SP140: variants seen among roughly 807,000 people sequenced by gnomAD.
The protein encoded by SP140 is nuclear body protein SP140.
A neutral mutation model predicts 125.0 loss-of-function variants in SP140; 81 were observed. That is an observed-to-expected ratio of 0.65 (90% CI 0.54 to 0.78). The LOEUF (loss-of-function observed/expected upper bound fraction) is 0.78, where lower values mean the gene tolerates loss of function less well. SP140 is among the 30% of genes least tolerant of loss of function. The probability of loss-of-function intolerance (pLI) is 0.00; values close to 1 mark genes in which losing one functional copy is unlikely to be tolerated. For synonymous variants in SP140, 312 were observed against 354.0 expected (o/e 0.88, Z 1.33); for missense variants, 858 against 1,037.0 (o/e 0.83, Z 2.37).
rs200651686 is a variant in SP140 at position 230,213,016 on chromosome 2, A to G, written c.-322-638A>G. 9.3e-5 allele frequency: 150 copies of G among 1,614,014 alleles called. 1 individual carries two copies. The African/African-American group carries it at 1.5e-3, about 16-fold the overall frequency. On this transcript the variant is annotated intron_variant, in intron 1 of 4. Coordinates refer to the SP140 transcript ENST00000456542. ...GGTGTGTCTCTGCTCTGCCATTCAT[A>G]GGAAGCACCAACTGGGATTGGTGAA... is the stretch of plus-strand genomic sequence containing the variant.
intron 12 of SP140, among the ~76,000 whole-genome samples, chr2:230,262,028 G>A (rs780401868): frequency 5.3e-5 from 8 of 152,114 alleles, no homozygotes; most frequent in Non-Finnish European, 7.4e-5. Flanking sequence ...AAAAGGATTG[G>A]TACCAATTCT....
chr2:230,242,165 A>G (rs2048817133), intron 4 of SP140, among the ~76,000 whole-genome samples: 1 of 152,202 alleles, frequency 6.6e-6, no homozygotes, highest in Non-Finnish European at 1.5e-5. Flanking sequence ...AGAGAAGTAT[A>G]TGGAAAAGGA....
chr2:230,259,311 A>C (rs934388153), intron 12 of SP140, among the ~76,000 whole-genome samples: 1 of 152,022 alleles, frequency 6.6e-6, no homozygotes, highest in African/African-American at 2.4e-5. Context: ...TTGCGTCCTC[A>C]TAGCTTAGCT....
chr2:230,289,119 T>C (rs572843824), intron 18 of SP140, among the ~76,000 whole-genome samples: 8 of 152,358 alleles, frequency 5.3e-5, no homozygotes, highest in African/African-American at 1.7e-4. Flanking sequence ...CCACATCCTC[T>C]TCAGCATCTG....
intron 15 of SP140, among the ~76,000 whole-genome samples, chr2:230,274,577 A>G (rs908964390): frequency 8.2e-4 from 124 of 152,138 alleles, no homozygotes; most frequent in African/African-American, 2.8e-3. Flanking sequence ...TGTTAGGTGC[A>G]TGTCAGATTT....
At chr2:230,308,782 C>G (rs111581471) in intron 22 of SP140, among the ~76,000 whole-genome samples, 4,611 of 152,306 alleles carry the variant, frequency 0.03, 98 homozygotes, top group Non-Finnish European at 0.048. Flanking sequence ...TTACCTGCAG[C>G]AGCAGAGCCG....
At chr2:230,306,472 C>T (rs2058772250) in intron 22 of SP140, among the ~76,000 whole-genome samples, 1 of 152,244 alleles carries the variant, frequency 6.6e-6, no homozygotes, top group African/African-American at 2.4e-5. Context: ...GGCAGGAGCT[C>T]GCCATGCGCA....
Position 230,251,016 on chromosome 2 carries a change from G to A in SP140, c.1012G>A (p.Glu338Lys), listed in dbSNP as rs2050274812. 6.2e-7 allele frequency: 1 copy of A among 1,613,854 alleles called. No individual in the cohort carries two copies. ...TGACTGTTCAGAAATGTGTGATGGAGAAGAGCCCCAGGAAGCCTCTAGCTC... is the reference window on the plus strand; with the variant it reads ...TGACTGTTCAGAAATGTGTGATGGAAAAGAGCCCCAGGAAGCCTCTAGCTC... ...SDDCSEMCDG[E>K]EPQEASSSLA... is the part of the protein sequence containing the mutation. The change falls in exon 10 of 27, where the codon GAA becomes AAA. Residue 338 changes from glutamate to lysine, a missense_variant. Glu to Lys is a moderately conservative substitution (Grantham distance 56). Around this residue, in one of 4 missense-constraint regions of SP140, gnomAD observed 791 missense variants for 869.5 expected, o/e 0.91. Coordinates refer to ENST00000392045, the MANE Select transcript of SP140 (RefSeq NM_007237.5).
At chr2:230,283,751 A>G (rs62191202) in intron 15 of SP140, among the ~76,000 whole-genome samples, 13,608 of 152,230 alleles carry the variant, frequency 0.089, 818 homozygotes, top group East Asian at 0.12. Context: ...AATGGCCCAG[A>G]TGGCCAGTTT....
intron 15 of SP140, among the ~76,000 whole-genome samples, chr2:230,283,908 A>G (rs557644319): frequency 6.6e-6 from 1 of 152,324 alleles, no homozygotes; most frequent in Admixed American, 6.5e-5. Flanking sequence ...GTAATTACAT[A>G]ATGAAAACTC....
At chr2:230,306,787 G>T (rs1426184717) in intron 22 of SP140, among the ~76,000 whole-genome samples, 4 of 152,196 alleles carry the variant, frequency 2.6e-5, no homozygotes, top group Admixed American at 1.3e-4. Flanking sequence ...GCTCAGCACT[G>T]GCCTGCAGGT....
At chr2:230,292,551 C>T in intron 19 of SP140, 95 bp from the exon 20 acceptor site, 1 of 1,515,504 alleles carries the variant, frequency 6.6e-7, no homozygotes. Context: ...ATCTGCATCA[C>T]AAATTGGGTG....
upstream of SP140, among the ~76,000 whole-genome samples, chr2:230,201,355 A>G (rs1319890365): frequency 6.6e-6 from 1 of 152,152 alleles, no homozygotes; most frequent in Non-Finnish European, 1.5e-5. Flanking sequence ...CACTATTTCA[A>G]CCTTTGTACA....
intron 1 of SP140, among the ~76,000 whole-genome samples, chr2:230,206,600 T>TAC (rs2043859114): frequency 2.7e-5 from 1 of 37,198 alleles, no homozygotes; most frequent in South Asian, 8.9e-4. Flanking sequence ...AGATTTTATA[T>TAC]ATATATATAT....
At position 230,211,400 on chromosome 2, in the gene SP140, C is replaced by T. The variant is rs1322929472; in HGVS notation, c.-322-2254C>T. ...GAGGAGAGCCCCCTCTCTAGAAGATCCGAATGGCTTTTCCTCTTAGTAAAC... is the reference window on the plus strand; with the variant it reads ...GAGGAGAGCCCCCTCTCTAGAAGATTCGAATGGCTTTTCCTCTTAGTAAAC... On this transcript the variant is annotated intron_variant, in intron 1 of 4. Coordinates refer to the SP140 transcript ENST00000456542. This position sits in a 1 kb window ranked among gnomAD's most constrained non-coding sequence, Gnocchi z 4.2. 1.0e-6 allele frequency: 1 copy of T among 985,480 alleles called. No individual in the cohort carries two copies. The highest frequency in any genetic ancestry group is 2.4e-5 in the East Asian group (1 of 41,980). The allele number at this position is 985,480 out of a possible 1,614,324, so 61.0% of individuals were successfully genotyped here. A position where few individuals can be genotyped will look rare whatever the true frequency, so the allele number is the denominator to read the frequency against.
intron 15 of SP140, among the ~76,000 whole-genome samples, chr2:230,278,597 C>T (rs924721705): frequency 6.6e-6 from 1 of 151,930 alleles, no homozygotes; most frequent in African/African-American, 2.4e-5. Flanking sequence ...AGGAGCTTTT[C>T]CTCTGTTTTC....
intron 22 of SP140, among the ~76,000 whole-genome samples, chr2:230,309,186 G>A (rs531237081): frequency 1.3e-5 from 2 of 152,166 alleles, no homozygotes; most frequent in African/African-American, 4.8e-5. Flanking sequence ...CTCTTTTATG[G>A]GCCCAGGAAA....
At chr2:230,267,500 T>G (rs1421810576) in intron 12 of SP140, among the ~76,000 whole-genome samples, 1 of 152,214 alleles carries the variant, frequency 6.6e-6, no homozygotes, top group Non-Finnish European at 1.5e-5. Flanking sequence ...TCAGTGATTT[T>G]TTTCTCTTCT....
At chr2:230,236,961 A>G in intron 1 of SP140, 122 bp from the exon 2 acceptor site, 1 of 668,382 alleles carries the variant, frequency 1.5e-6, no homozygotes, top group Non-Finnish European at 2.4e-6. Flanking sequence ...TCTCCCTACA[A>G]GAATGCTTAT....
Sources: allele counts gnomAD v4.1 joint callset (sites outside exome capture counted in the v4.1 genomes callset), GRCh38; gene constraint gnomAD v4.1.1; regional missense constraint gnomAD v4.1.1; non-coding constraint Gnocchi (gnomAD v3.1); transcripts MANE v1.5; gene names NCBI Gene and HGNC (gene_info 2026-07-23, HGNC 2026-07-21).